Variants in CD1C observed in about 807,000 individuals in gnomAD.
CD1C encodes T-cell surface glycoprotein CD1c.
In CD1C, 47 loss-of-function variants were observed where a neutral mutation model predicts 39.4. The ratio of observed to expected loss-of-function variants is 1.19; its 90% confidence interval spans 0.94 to 1.52. The LOEUF (loss-of-function observed/expected upper bound fraction) is 1.52. Ranked by LOEUF, CD1C falls within the 40% of genes most tolerant of loss-of-function variation. The pLI, the probability that CD1C is intolerant of heterozygous loss-of-function variation, is 0.00. For missense variants in CD1C, 417 were observed against 395.2 expected (o/e 1.06, Z -0.47); for synonymous variants, 165 against 150.8 (o/e 1.09, Z -0.69).
Position 158,292,681 on chromosome 1 carries a change from A to G in CD1C, c.696A>G (p.Pro232=). 2 of 1,614,044 alleles carry G rather than the reference A, an allele frequency of 1.2e-6. No homozygotes were observed. Among genetic ancestry groups the G allele is most frequent in the South Asian group, 2.2e-5 (2 of 91,074 alleles). ...LLVCHASGFY[P]KPVWVTWMRN... ...TTTGTCATGCCTCCGGCTTCTACCC[A>G]AAGCCTGTTTGGGTGACATGGATGC... Residue 232 remains proline, a synonymous_variant, in exon 4 of 6, where the codon CCA becomes CCG. Coordinates refer to ENST00000368170, the MANE Select transcript of CD1C (RefSeq NM_001765.3).
chr1:158,291,551 C>G, intron 2 of CD1C, 151 bp downstream of exon 2: 1 of 814,998 alleles, frequency 1.2e-6, no homozygotes, highest in Non-Finnish European at 1.9e-6. Context: ...CTGATGTTGA[C>G]TCCCTCAAAT....
rs145198081 is a variant in CD1C, at chr1:158,292,648, G to A, written c.663G>A (p.Leu221=). Residue 221 remains leucine, a synonymous_variant, in exon 4 of 6, where the codon CTG becomes CTA. Transcript: ENST00000368170. ...GCCCCAGCCTTGGGTCTGGCCAGCT[G>A]TTGCTGGTTTGTCATGCCTCCGGCT... ...SSRPSLGSGQ[L]LLVCHASGFY... 28 of 1,613,524 alleles carry A rather than the reference G, an allele frequency of 1.7e-5. No homozygotes were observed. Among genetic ancestry groups the A allele is most frequent in the African/African-American group, 8.0e-5 (6 of 74,942 alleles).
At chr1:158,291,100 T>C in intron 1 of CD1C, 34 bp from the exon 2 acceptor site, 1 of 1,570,196 alleles carries the variant, frequency 6.4e-7, no homozygotes, top group South Asian at 1.2e-5. Context: ...TTTTTTTTTT[T>C]TCCTTACACT....
intron 4 of CD1C, among the ~76,000 whole-genome samples, 160 bp downstream of exon 4, chr1:158,293,034 C>T (rs569272883): frequency 6.6e-6 from 1 of 152,156 alleles, no homozygotes; most frequent in African/African-American, 2.4e-5. Context: ...TACATGGATA[C>T]TAGAGATTTA....
At position 158,294,540 on chromosome 1, in the gene CD1C, T is replaced by C. The variant is rs1451767817; in HGVS notation, c.*1064T>C. ...ATAGATTTTATTGATGTATAATTTA[T>C]AGTAAAATTTGAATCTTTAAGTGTA... is the stretch of plus-strand genomic sequence containing the variant. On this transcript the variant is annotated 3_prime_UTR_variant, in exon 6 of 6. Coordinates refer to ENST00000368170, the MANE Select transcript of CD1C (RefSeq NM_001765.3). Among the ~76,000 whole-genome samples the C allele has an allele frequency of 4.6e-5, 7 of 152,242 alleles. No homozygotes were observed. The highest frequency in any genetic ancestry group is 7.2e-5 in the African/African-American group (3 of 41,466).
chr1:158,293,140 G>A, intron 4 of CD1C, 72 bp from the exon 5 acceptor site: 2 of 1,219,204 alleles, frequency 1.6e-6, no homozygotes, highest in Non-Finnish European at 2.4e-6. Flanking sequence ...TGTTAAGTAA[G>A]GAAATCAATA....
chr1:158,292,486 T>A, intron 3 of CD1C, 110 bp from the exon 4 acceptor site: 2 of 1,491,004 alleles, frequency 1.3e-6, no homozygotes, highest in Middle Eastern at 1.9e-4. Context: ...TGGGTAATAG[T>A]TTCTTAGAGG....
At chr1:158,291,466 C>G (rs959345052) in intron 2 of CD1C, 66 bp downstream of exon 2, 4 of 1,542,200 alleles carry the variant, frequency 2.6e-6, no homozygotes, top group Non-Finnish European at 3.5e-6. Context: ...ATATTCTCTA[C>G]TAATTTTTGG....
chr1:158,292,792 G>A lies in CD1C; in HGVS notation c.807G>A (p.Glu269=). The A allele has an allele frequency of 1.2e-6, 2 of 1,614,212 alleles. No individual in the cohort carries two copies. Among genetic ancestry groups the A allele is most frequent in the Non-Finnish European group, 1.7e-6 (2 of 1,180,030 alleles). ...DGTWYLQVIL[E]VASEEPAGLS... ...CATGGTATCTTCAGGTGATCCTGGA[G>A]GTGGCATCTGAGGAGCCTGCTGGCC... Residue 269 remains glutamate, a synonymous_variant, in exon 4 of 6, where the codon GAG becomes GAA. Transcript: ENST00000368170.
At position 158,293,831 on chromosome 1, in the gene CD1C, G is replaced by A. The variant is rs1402221731; in HGVS notation, c.*355G>A. 6.6e-6 allele frequency among the ~76,000 whole-genome samples: 1 copy of A among 152,146 alleles called. No individual in the cohort carries two copies. Among genetic ancestry groups the A allele is most frequent in the Non-Finnish European group, 1.5e-5 (1 of 68,032 alleles). The stretch of plus-strand genomic sequence containing the variant: ...CATTTTTAAGCTTTTAGGAGGCAAG[G>A]ATCATGATAAATGTGCCTTTCCTGC... On this transcript the variant is annotated 3_prime_UTR_variant, in exon 6 of 6. Coordinates refer to ENST00000368170, the MANE Select transcript of CD1C (RefSeq NM_001765.3).
intron 1 of CD1C, among the ~76,000 whole-genome samples, chr1:158,290,791 G>A (rs557986480): frequency 1.3e-5 from 2 of 152,292 alleles, no homozygotes; most frequent in Admixed American, 1.3e-4. Context: ...TGTAGTTTCC[G>A]CTGCTAGTTC....
At chr1:158,290,473 G>T (rs779579806) in intron 1 of CD1C, among the ~76,000 whole-genome samples, 1 of 152,034 alleles carries the variant, frequency 6.6e-6, no homozygotes, top group Non-Finnish European at 1.5e-5. Flanking sequence ...TCAATGCCAC[G>T]CACCACTTTG....
chr1:158,291,088 CTT>C (rs375739413), intron 1 of CD1C, 44 bp from the exon 2 acceptor site: 2,056 of 1,239,974 alleles, frequency 1.7e-3, no homozygotes, highest in Admixed American at 3.5e-3. Flanking sequence ...CCTTGCCTCT[CTT>C]TTTTTTTTTT....
rs1039340467 is a variant in CD1C, at chr1:158,294,612, C to A, written c.*1136C>A. 6.6e-6 allele frequency among the ~76,000 whole-genome samples: 1 copy of A among 152,058 alleles called. No homozygotes were observed. Among genetic ancestry groups the A allele is most frequent in the Non-Finnish European group, 1.5e-5 (1 of 68,018 alleles). The stretch of plus-strand genomic sequence containing the variant: ...TTATATAAGCCCATGTAAACAAAAT[C>A]ACAATCAAGATATTAAATGTCATAA... On this transcript the variant is annotated 3_prime_UTR_variant, in exon 6 of 6. Transcript: ENST00000368170.
chr1:158,292,088 C>T lies in CD1C; in HGVS notation c.333C>T (p.Pro111=), dbSNP rs757907860. 12 of 1,613,050 alleles carry T rather than the reference C, an allele frequency of 7.4e-6. No individual in the cohort carries two copies. The South Asian group carries it at 1.3e-4, about 18-fold the overall frequency. The change falls in exon 3 of 6, where the codon CCC becomes CCT. Residue 111 remains proline, a synonymous_variant. Transcript: ENST00000368170. The part of the protein sequence containing the change: ...DHASQDYSKY[P]FEVQVKAGCE... ...CTCATTCCTCCCTTCCTCCAGATCC[C>T]TTTGAAGTACAGGTGAAAGCGGGCT...
chr1:158,292,054 ACT>A, intron 2 of CD1C, 28 bp from the exon 3 acceptor site: 1 of 1,579,054 alleles, frequency 6.3e-7, no homozygotes, highest in Non-Finnish European at 8.6e-7. Context: ...TTTTGTTTGA[ACT>A]CTTTTTCTCA....
At chr1:158,290,413 C>T (rs894804743) in intron 1 of CD1C, among the ~76,000 whole-genome samples, 1 of 152,136 alleles carries the variant, frequency 6.6e-6, no homozygotes, top group Non-Finnish European at 1.5e-5. Flanking sequence ...GTGGTTTCTC[C>T]TTTTTATGTT....
chr1:158,291,327 G>A lies in CD1C; in HGVS notation c.255G>A (p.Glu85=). Residue 85 remains glutamate (E), a synonymous_variant, in exon 2 of 6, where the codon GAG becomes GAA. Transcript: ENST00000368170. ...GCAATGAAGAGTTGTCAGACCTAGA[G>A]TTGTTATTTCGTTTCTACCTCTTTG... is the stretch of plus-strand genomic sequence containing the variant. The part of the protein sequence containing the change: ...NFSNEELSDL[E]LLFRFYLFGL... The A allele has an allele frequency of 6.2e-7, 1 of 1,614,066 alleles. No homozygotes were observed. The highest frequency in any genetic ancestry group is 8.5e-7 in the Non-Finnish European group (1 of 1,179,994).
chr1:158,290,271 T>A, intron 1 of CD1C, 146 bp downstream of exon 1: 1 of 644,162 alleles, frequency 1.6e-6, no homozygotes. Context: ...TGGAGGATGG[T>A]GGCAGAGCAT....
Sources: gnomAD v4.1 joint callset for allele counts (sites outside exome capture counted in the v4.1 genomes callset) on GRCh38, gnomAD v4.1.1 for gene constraint, MANE v1.5 for transcripts, NCBI Gene and HGNC (gene_info 2026-07-23, HGNC 2026-07-21) for gene names.